Variants in BCAT1 observed in about 807,000 individuals in gnomAD.
The protein encoded by BCAT1 is branched chain amino acid transaminase 1.
In BCAT1, 48 loss-of-function variants were observed where a neutral mutation model predicts 52.4. The ratio of observed to expected loss-of-function variants is 0.92; its 90% confidence interval spans 0.73 to 1.16. The LOEUF (loss-of-function observed/expected upper bound fraction) is 1.16. Ranked by LOEUF, BCAT1 falls within the 50% of genes most tolerant of loss-of-function variation. The pLI is 0.00. For synonymous variants in BCAT1, 167 were observed against 161.3 expected, an observed-to-expected ratio of 1.04 and a Z score of -0.27; for missense variants, 451 against 457.1, an observed-to-expected ratio of 0.99 and a Z score of 0.12.
intron 4 of BCAT1, among the ~76,000 whole-genome samples, chr12:24,881,031 C>T (rs2139598938): frequency 6.6e-6 from 1 of 152,256 alleles, no homozygotes; most frequent in South Asian, 2.1e-4. Context: ...GATGGTGTTT[C>T]ACCATGTTGG....
At chr12:24,834,077 C>T in intron 8 of BCAT1, 1 of 908,852 alleles carries the variant, frequency 1.1e-6, no homozygotes, top group South Asian at 5.1e-5. Context: ...CTCAGCCTCC[C>T]AAAGTGCCAA....
At chr12:24,943,932 C>G (rs770225870) in intron 1 of BCAT1, among the ~76,000 whole-genome samples, 3 of 151,356 alleles carry the variant, frequency 2.0e-5, no homozygotes, top group Non-Finnish European at 4.4e-5. Flanking sequence ...TGCAGTGAGC[C>G]GAGATCGCAC....
chr12:24,853,467 G>A (rs1445009227), intron 5 of BCAT1, among the ~76,000 whole-genome samples: 2 of 152,134 alleles, frequency 1.3e-5, no homozygotes, highest in African/African-American at 4.8e-5. Flanking sequence ...GAGGGGAAAA[G>A]TGTTTAGAAA....
At chr12:24,892,057 G>A (rs1355540178) in intron 3 of BCAT1, among the ~76,000 whole-genome samples, 6 of 128,754 alleles carry the variant, frequency 4.7e-5, no homozygotes, top group East Asian at 5.1e-4. Context: ...TCGCCTGGCC[G>A]TTTTTTGTTT....
chr12:24,948,013 T>C (rs1943959681), intron 1 of BCAT1, among the ~76,000 whole-genome samples: 1 of 152,252 alleles, frequency 6.6e-6, no homozygotes, highest in South Asian at 2.1e-4. Flanking sequence ...AACTATGGTC[T>C]GGGATGGGTT....
intron 1 of BCAT1, among the ~76,000 whole-genome samples, chr12:24,914,652 T>C (rs758800752): frequency 2.0e-5 from 3 of 152,254 alleles, no homozygotes; most frequent in Non-Finnish European, 2.9e-5. Context: ...CTTACAGATA[T>C]TTCTGGATTA....
chr12:24,948,504 T>A (rs1479589416), intron 1 of BCAT1, among the ~76,000 whole-genome samples: 1 of 152,172 alleles, frequency 6.6e-6, no homozygotes, highest in Non-Finnish European at 1.5e-5. Context: ...AGCCGCTCCC[T>A]CCTGCATCAC....
intron 1 of BCAT1, among the ~76,000 whole-genome samples, chr12:24,936,259 G>A (rs1389266461): frequency 6.6e-6 from 1 of 152,182 alleles, no homozygotes; most frequent in African/African-American, 2.4e-5. Context: ...TTCTGACGAA[G>A]TCTCACGCTG....
chr12:24,866,576 G>A (rs1320546973), intron 5 of BCAT1, among the ~76,000 whole-genome samples: 1 of 152,248 alleles, frequency 6.6e-6, no homozygotes, highest in Admixed American at 6.5e-5. Flanking sequence ...GTCTAGTGGG[G>A]ACTTGGAGAA....
At chr12:24,894,147 C>T in intron 3 of BCAT1, 128 bp downstream of exon 3, 2 of 822,890 alleles carry the variant, frequency 2.4e-6, no homozygotes, top group South Asian at 4.6e-5. Context: ...CTTTTAAAGA[C>T]ATTTTCGGCT....
At chr12:24,935,484 G>T (rs540465362) in intron 1 of BCAT1, among the ~76,000 whole-genome samples, 2 of 152,136 alleles carry the variant, frequency 1.3e-5, no homozygotes, top group East Asian at 3.9e-4. Flanking sequence ...TCTCTTCCCT[G>T]CATCCCTGCC....
At position 24,855,272 on chromosome 12, in the gene BCAT1, T is replaced by G. The variant is rs567436328; in HGVS notation, c.511-5323A>C. On this transcript the variant is annotated intron_variant, in intron 5 of 10. Transcript: ENST00000261192. ...GGAACTGAGACAACTCTGGACATAC[T>G]GGCTATGAGGTAGCCCTGCTCCGCA... Among the ~76,000 whole-genome samples the G allele has an allele frequency of 6.9e-5, 10 of 145,842 alleles. No individual in the cohort carries two copies. In the East Asian group the frequency reaches 1.8e-3, roughly 26 times the overall value.
At chr12:24,855,483 C>T (rs935589096) in intron 5 of BCAT1, among the ~76,000 whole-genome samples, 3 of 152,104 alleles carry the variant, frequency 2.0e-5, no homozygotes, top group Non-Finnish European at 4.4e-5. Flanking sequence ...CAGGTTCAAG[C>T]GATTCTCCTG....
At position 24,817,354 on chromosome 12, in the gene BCAT1, T is replaced by TAGTC. The variant is rs753199873; in HGVS notation, c.*650_*653dup. The TAGTC allele has an allele frequency of 6.5e-6, 1 of 152,918 alleles. No homozygotes were observed. Among genetic ancestry groups the TAGTC allele is most frequent in the Non-Finnish European group, 1.5e-5 (1 of 68,332 alleles). The allele number at this position is 152,918 out of a possible 1,614,324, so 9.5% of individuals were successfully genotyped here. ...ATAAGGCACAAGACCCTCAGTCTTG[T>TAGTC]AGTCGCCTGACAGCCAGCCAGCTAC... On this transcript the variant is annotated 3_prime_UTR_variant, in exon 11 of 11. Coordinates refer to ENST00000261192, the MANE Select transcript of BCAT1 (RefSeq NM_005504.7).
chr12:24,852,698 G>A (rs887233636), intron 5 of BCAT1, among the ~76,000 whole-genome samples: 6 of 152,182 alleles, frequency 3.9e-5, no homozygotes, highest in African/African-American at 1.4e-4. Flanking sequence ...AAACCTCTAA[G>A]TAATATTTTT....
chr12:24,832,387 C>T (rs1940704872), intron 9 of BCAT1, among the ~76,000 whole-genome samples: 1 of 151,882 alleles, frequency 6.6e-6, no homozygotes, highest in Non-Finnish European at 1.5e-5. Context: ...TTTGTAGTGC[C>T]AAGTTAAAAA....
chr12:24,836,972 AGAG>A (rs1263492280), intron 7 of BCAT1, among the ~76,000 whole-genome samples: 8 of 143,122 alleles, frequency 5.6e-5, no homozygotes, highest in African/African-American at 2.1e-4. Flanking sequence ...AAAGAAAGAA[AGAG>A]AGAGAGGGAG....
At chr12:24,825,896 T>C (rs764815534) in intron 10 of BCAT1, among the ~76,000 whole-genome samples, 130 of 152,308 alleles carry the variant, frequency 8.5e-4, no homozygotes, top group Admixed American at 1.7e-3. Flanking sequence ...TGATAGCCTA[T>C]GCTTTTTCAG....
chr12:24,921,712 T>C (rs927478371), intron 1 of BCAT1, among the ~76,000 whole-genome samples: 1 of 152,214 alleles, frequency 6.6e-6, no homozygotes, highest in Non-Finnish European at 1.5e-5. Context: ...AAAATAGTTG[T>C]AGAGGCAGTG....
Sources: gnomAD v4.1 joint callset for allele counts (sites outside exome capture counted in the v4.1 genomes callset) on GRCh38, gnomAD v4.1.1 for gene constraint, MANE v1.5 for transcripts, NCBI Gene and HGNC (gene_info 2026-07-23, HGNC 2026-07-21) for gene names.